The following VAV3 variants were observed in gnomAD, a reference collection of about 807,000 sequenced individuals.
The protein encoded by VAV3 is guanine nucleotide exchange factor VAV3.
A neutral mutation model predicts 131.2 loss-of-function variants in VAV3; 94 were observed. The observed-to-expected ratio is 0.72, with a 90% CI of 0.61 to 0.85. The LOEUF is 0.85. VAV3 is among the 40% of genes least tolerant of loss of function. The probability of loss-of-function intolerance (pLI) is 0.00; values close to 1 mark genes in which losing one functional copy is unlikely to be tolerated. For missense variants in VAV3, 939 were observed against 1,002.7 expected, an observed-to-expected ratio of 0.94 and a Z score of 0.86; for synonymous variants, 349 against 342.0, an observed-to-expected ratio of 1.02 and a Z score of -0.22.
chr1:107,768,568 A>T (rs1664863898), intron 6 of VAV3, 59 bp from the exon 7 acceptor site: 1 of 1,384,518 alleles, frequency 7.2e-7, no homozygotes, highest in South Asian at 1.3e-5. Flanking sequence ...TCTATATAAT[A>T]GTTTTTCATC....
chr1:107,785,320 A>G (rs1013552186), intron 2 of VAV3: 2 of 848,416 alleles, frequency 2.4e-6, no homozygotes, highest in Admixed American at 1.0e-4. Context: ...AAAAGTTGCT[A>G]ATTAATTATG....
intron 2 of VAV3, among the ~76,000 whole-genome samples, chr1:107,837,505 A>T (rs1668527406): frequency 6.6e-6 from 1 of 152,144 alleles, no homozygotes; most frequent in Admixed American, 6.5e-5. Flanking sequence ...CAAACTAGCA[A>T]TGTCATTTTT....
chr1:107,652,440 G>A (rs1390826861), intron 19 of VAV3, among the ~76,000 whole-genome samples: 6 of 152,196 alleles, frequency 3.9e-5, no homozygotes, highest in Middle Eastern at 3.4e-3. Flanking sequence ...TCTTAATAAA[G>A]TTGCTTTCAC....
At chr1:107,844,946 T>C (rs553177397) in intron 2 of VAV3, among the ~76,000 whole-genome samples, 2 of 152,158 alleles carry the variant, frequency 1.3e-5, no homozygotes, top group Admixed American at 1.3e-4. Flanking sequence ...GCACAGCGTT[T>C]GAGCTCTGCT....
intron 2 of VAV3, among the ~76,000 whole-genome samples, chr1:107,843,534 T>C (rs1476937334): frequency 5.4e-5 from 8 of 147,786 alleles, no homozygotes; most frequent in Non-Finnish European, 1.0e-4. Context: ...CGTGTGTGTG[T>C]GTGTATATAT....
intron 2 of VAV3, among the ~76,000 whole-genome samples, chr1:107,817,612 C>A (rs6700646): frequency 0.033 from 5,087 of 152,038 alleles, 181 homozygotes; most frequent in African/African-American, 0.09. Context: ...TCAGGGAAAC[C>A]AAACAAGTTA....
At chr1:107,697,258 G>A (rs1163384168) in intron 17 of VAV3, among the ~76,000 whole-genome samples, 1 of 151,828 alleles carries the variant, frequency 6.6e-6, no homozygotes, top group Non-Finnish European at 1.5e-5. Context: ...ACCCCGATCT[G>A]AGAGTAAAAA....
At chr1:107,887,702 G>A (rs958358593) in intron 1 of VAV3, among the ~76,000 whole-genome samples, 2 of 152,046 alleles carry the variant, frequency 1.3e-5, no homozygotes, top group Non-Finnish European at 2.9e-5. Flanking sequence ...GGGTGTATAA[G>A]TGCCACTTCT....
At chr1:107,834,627 C>G (rs1281790341) in intron 2 of VAV3, among the ~76,000 whole-genome samples, 1 of 151,446 alleles carries the variant, frequency 6.6e-6, no homozygotes, top group Non-Finnish European at 1.5e-5. Flanking sequence ...AGATGGCCAA[C>G]TAGATGCAGC....
chr1:107,603,808 CTT>C (rs781360605), intron 22 of VAV3, among the ~76,000 whole-genome samples: 15 of 141,704 alleles, frequency 1.1e-4, no homozygotes, highest in Non-Finnish European at 7.8e-5. Context: ...ATGCTAGTAA[CTT>C]TTTTTTTTTT....
intron 17 of VAV3, among the ~76,000 whole-genome samples, chr1:107,702,795 C>CAA (rs11312777): frequency 1.1e-4 from 15 of 137,726 alleles, no homozygotes; most frequent in South Asian, 2.4e-4. Context: ...CCACGTCTTT[C>CAA]AAAAAAAAAA....
intron 21 of VAV3, among the ~76,000 whole-genome samples, chr1:107,612,942 T>C (rs1652865095): frequency 6.6e-6 from 1 of 152,120 alleles, no homozygotes; most frequent in African/African-American, 2.4e-5. Context: ...ACAAAGAAAC[T>C]CATCCTAGTG....
At chr1:107,908,937 A>T (rs568518781) in intron 1 of VAV3, among the ~76,000 whole-genome samples, 67 of 152,188 alleles carry the variant, frequency 4.4e-4, no homozygotes, top group Non-Finnish European at 7.9e-4. Flanking sequence ...CAGCAAAATA[A>T]CAAATACTTG....
intron 2 of VAV3, among the ~76,000 whole-genome samples, chr1:107,784,400 G>GC (rs1665872675): frequency 6.6e-6 from 1 of 152,080 alleles, no homozygotes; most frequent in South Asian, 2.1e-4. Context: ...TTGTCAATGA[G>GC]CTTTTTCAAC....
In VAV3 at chr1:107,741,411, C is replaced by G. The variant is rs1663013300; in HGVS notation, c.1502+7557G>C. Among the ~76,000 whole-genome samples, 5 of 152,110 alleles carry G rather than the reference C, an allele frequency of 3.3e-5. No individual in the cohort carries two copies. The South Asian group carries it at 1.0e-3, about 32-fold the overall frequency. On this transcript the variant is annotated intron_variant, in intron 15 of 26. Transcript: ENST00000370056. ...GCCGCTCCCTGAAGGGGTGGTGAGGCAAGGGGTGCTGGTCCTCTGCAGGGA... is the reference window on the plus strand; with the variant it reads ...GCCGCTCCCTGAAGGGGTGGTGAGGGAAGGGGTGCTGGTCCTCTGCAGGGA...
intron 20 of VAV3, among the ~76,000 whole-genome samples, chr1:107,637,014 A>C (rs574093806): frequency 6.6e-4 from 101 of 152,296 alleles, no homozygotes; most frequent in African/African-American, 2.3e-3. Flanking sequence ...TGATAGGGGA[A>C]AAAAACAATA....
chr1:107,683,372 C>A, intron 19 of VAV3, 116 bp downstream of exon 19: 2 of 1,226,814 alleles, frequency 1.6e-6, no homozygotes, highest in Non-Finnish European at 2.4e-6. Flanking sequence ...ACATTATACA[C>A]CAAATTATGA....
At chr1:107,855,783 A>G (rs1027096657) in intron 2 of VAV3, among the ~76,000 whole-genome samples, 1 of 152,230 alleles carries the variant, frequency 6.6e-6, no homozygotes, top group African/African-American at 2.4e-5. Flanking sequence ...GCCAGGGGGA[A>G]TAAAAGAGGA....
At chr1:107,588,333 A>G (rs1201845827) in intron 25 of VAV3, among the ~76,000 whole-genome samples, 1 of 152,242 alleles carries the variant, frequency 6.6e-6, no homozygotes, top group African/African-American at 2.4e-5. Context: ...TAGTGTGTAT[A>G]CCGGAATAGT....
Sources: gnomAD v4.1 joint callset for allele counts (sites outside exome capture counted in the v4.1 genomes callset) on GRCh38, gnomAD v4.1.1 for gene constraint, MANE v1.5 for transcripts, NCBI Gene and HGNC (gene_info 2026-07-23, HGNC 2026-07-21) for gene names.